The following STAT1 variants were observed in gnomAD, a reference collection of about 807,000 sequenced individuals.
STAT1 encodes the protein signal transducer and activator of transcription 1-alpha/beta.
In STAT1, 24 loss-of-function variants were observed where a neutral mutation model predicts 111.7. That is an observed-to-expected ratio of 0.21 (90% confidence interval 0.16 to 0.30). STAT1 has a LOEUF of 0.30. Among genes scored for constraint, STAT1 ranks in the 10% least tolerant of loss-of-function variants. The pLI, the probability that STAT1 is intolerant of heterozygous loss-of-function variation, is 1.00. For missense variants in STAT1, 351 were observed against 911.9 expected (o/e 0.38, Z 7.92); for synonymous variants, 332 against 326.5 (o/e 1.02, Z -0.18).
rs41514544 is a variant in STAT1, at chr2:191,000,048, G to T, written c.463-344C>A. ...CTCCACTGTGAAGCCCACAGCAGGCGGGGAAAAAGCTCACAGAAAATTTCC... is the reference window on the plus strand; with the variant it reads ...CTCCACTGTGAAGCCCACAGCAGGCTGGGAAAAAGCTCACAGAAAATTTCC... On this transcript the variant is annotated intron_variant, in intron 6 of 24. Coordinates refer to ENST00000361099, the MANE Select transcript of STAT1 (RefSeq NM_007315.4). The surrounding 1 kb of genome is among the most constrained non-coding windows in gnomAD (Gnocchi z 4.8). 6.6e-6 allele frequency among the ~76,000 whole-genome samples: 1 copy of T among 152,136 alleles called. No individual in the cohort carries two copies. The highest frequency in any genetic ancestry group is 1.9e-4 in the East Asian group (1 of 5,196).
Position 190,995,538 on chromosome 2 carries a change from G to A in STAT1, c.786-319C>T, listed in dbSNP as rs1693785611. Among the ~76,000 whole-genome samples, 1 of 152,078 alleles carries A rather than the reference G, an allele frequency of 6.6e-6. No homozygotes were observed. Among genetic ancestry groups the A allele is most frequent in the African/African-American group, 2.4e-5 (1 of 41,396 alleles). On this transcript the variant is annotated intron_variant, in intron 9 of 24. Coordinates refer to ENST00000361099, the MANE Select transcript of STAT1 (RefSeq NM_007315.4). This position sits in a 1 kb window ranked among gnomAD's most constrained non-coding sequence, Gnocchi z 4.2. ...TACTCACTACCATGAGAACAGTATTGGGGGAACCACCCCCATGATTCAATT... is the reference window on the plus strand; with the variant it reads ...TACTCACTACCATGAGAACAGTATTAGGGGAACCACCCCCATGATTCAATT...
intron 3 of STAT1, among the ~76,000 whole-genome samples, 169 bp from the exon 4 acceptor site, chr2:191,009,276 G>T (rs537851436): frequency 1.3e-5 from 2 of 152,150 alleles, no homozygotes; most frequent in East Asian, 1.9e-4. Flanking sequence ...AGTTTATGTG[G>T]TATTTCTCTT....
Position 190,984,024 on chromosome 2 carries a change from G to C in STAT1, c.1348-284C>G, listed in dbSNP as rs959280587. 3.3e-5 allele frequency among the ~76,000 whole-genome samples: 5 copies of C among 151,858 alleles called. No homozygotes were observed. Among genetic ancestry groups the C allele is most frequent in the Admixed American group, 2.0e-4 (3 of 15,224 alleles). ...CTGTCACAATGAAAACATAAAATGT[G>C]GGGGGAGGGCAGAGCAAAATAAATA... is the stretch of plus-strand genomic sequence containing the variant. On this transcript the variant is annotated intron_variant, in intron 16 of 24. Transcript: ENST00000361099. This position sits in a 1 kb window ranked among gnomAD's most constrained non-coding sequence, Gnocchi z 5.2.
rs774050725 is a variant in STAT1, at chr2:190,999,254, G to T, written c.541+372C>A. Among the ~76,000 whole-genome samples, 1 of 152,108 alleles carries T rather than the reference G, an allele frequency of 6.6e-6. No individual in the cohort carries two copies. The highest frequency in any genetic ancestry group is 2.1e-4 in the South Asian group (1 of 4,830). On this transcript the variant is annotated intron_variant, in intron 7 of 24. Coordinates refer to ENST00000361099, the MANE Select transcript of STAT1 (RefSeq NM_007315.4). The surrounding 1 kb of genome is among the most constrained non-coding windows in gnomAD (Gnocchi z 4.1). ...CTCTGTGTCAGTCAGTGGGCTAGGC[G>T]CAATAAATATGGTGAGTAACACATA...
At chr2:191,001,996 A>G (rs1694307345) in intron 5 of STAT1, among the ~76,000 whole-genome samples, 1 of 152,194 alleles carries the variant, frequency 6.6e-6, no homozygotes, top group Non-Finnish European at 1.5e-5. Flanking sequence ...AGTGCCCTAT[A>G]CAGCACAGAT....
At position 190,981,796 on chromosome 2, in the gene STAT1, T is replaced by A. The variant is rs1015957192; in HGVS notation, c.1582+587A>T. On this transcript the variant is annotated intron_variant, in intron 18 of 24. Transcript: ENST00000361099. This position sits in a 1 kb window ranked among gnomAD's most constrained non-coding sequence, Gnocchi z 4.1. ...ATCTGACCTTGAGACTAGTGGATCT[T>A]TGATTTGTTTAGTATGAAGGACTAA... is the stretch of plus-strand genomic sequence containing the variant. Among the ~76,000 whole-genome samples, 1 of 152,270 alleles carries A rather than the reference T, an allele frequency of 6.6e-6. No homozygotes were observed. The highest frequency in any genetic ancestry group is 1.5e-5 in the Non-Finnish European group (1 of 68,048).
At chr2:190,994,528 G>A (rs373412031) in intron 10 of STAT1, among the ~76,000 whole-genome samples, 308 of 152,264 alleles carry the variant, frequency 2.0e-3, no homozygotes, top group African/African-American at 7.2e-3. Context: ...AGCCAAAGGG[G>A]AAGGAGGAGT....
rs769998899 is a variant in STAT1 at position 191,001,273 on chromosome 2, C to T, written c.373-110G>A. On this transcript the variant is annotated intron_variant, in intron 5 of 24. Coordinates refer to ENST00000361099, the MANE Select transcript of STAT1 (RefSeq NM_007315.4). ...TGCCTTCCAGATCTTCTGACATGTA[C>T]TACAGGCTTCCTGCTTATGTGTCAA... The T allele has an allele frequency of 5.1e-4, 423 of 827,424 alleles. 2 individuals carry two copies. Among genetic ancestry groups the T allele is most frequent in the Non-Finnish European group, 1.1e-4 (54 of 474,398 alleles). 51.3% of individuals were successfully genotyped at this position (827,424 alleles called of 1,614,324 possible).
At chr2:191,009,771 G>T in intron 3 of STAT1, 105 bp downstream of exon 3, 2 of 1,418,446 alleles carry the variant, frequency 1.4e-6, no homozygotes, top group Non-Finnish European at 2.0e-6. Context: ...AATTCCAGTG[G>T]CCATTGATGG....
chr2:190,988,386 T>C (rs760585515), intron 12 of STAT1, among the ~76,000 whole-genome samples: 1 of 152,112 alleles, frequency 6.6e-6, no homozygotes, highest in Admixed American at 6.5e-5. Context: ...AAGTTTTTGT[T>C]TGTTTGTTTT....
In STAT1 at chr2:190,975,588, G is replaced by T; in HGVS notation, c.2135+224C>A. The T allele has an allele frequency of 7.1e-7, 1 of 1,416,780 alleles. No homozygotes were observed. The highest frequency in any genetic ancestry group is 9.2e-7 in the Non-Finnish European group (1 of 1,085,392). The allele number at this position is 1,416,780 out of a possible 1,614,324, so 87.8% of individuals were successfully genotyped here. A position where few individuals can be genotyped will look rare whatever the true frequency, so the allele number is the denominator to read the frequency against. ...CTTTTTCAAAGGGTATCAGTTTTGG[G>T]AAAATTTATATACCTTAAATACAAA... On this transcript the variant is annotated intron_variant, in intron 23 of 24. Coordinates refer to ENST00000361099, the MANE Select transcript of STAT1 (RefSeq NM_007315.4). This position sits in a 1 kb window ranked among gnomAD's most constrained non-coding sequence, Gnocchi z 5.9.
chr2:190,979,794 G>A lies in STAT1; in HGVS notation c.1705C>T (p.Leu569=), dbSNP rs1461525045. 1.9e-6 allele frequency: 3 copies of A among 1,613,576 alleles called. No homozygotes were observed. Among genetic ancestry groups the A allele is most frequent in the Non-Finnish European group, 2.5e-6 (3 of 1,179,532 alleles). Residue 569 remains leucine (L), a synonymous_variant, in exon 20 of 25, where the codon CTG becomes TTG. Transcript: ENST00000361099. This position sits in a 1 kb window ranked among gnomAD's most constrained non-coding sequence, Gnocchi z 5.8. The part of the protein sequence containing the change: ...ESILELIKKH[L]LPLWNDGCIM... ...TACCCATCATTCCAGAGAGGGAGCA[G>A]GTGTTTTTTAATGAGTTCTAGGATG...
At position 190,993,639 on chromosome 2, in the gene STAT1, G is replaced by A. The variant is rs1051247315; in HGVS notation, c.944+1422C>T. 5.4e-6 allele frequency: 3 copies of A among 553,524 alleles called. No individual in the cohort carries two copies. The highest frequency in any genetic ancestry group is 1.6e-5 in the South Asian group (1 of 62,664). 34.3% of individuals were successfully genotyped at this position (553,524 alleles called of 1,614,324 possible). A position where few individuals can be genotyped will look rare whatever the true frequency, so the allele number is the denominator to read the frequency against. On this transcript the variant is annotated intron_variant, in intron 10 of 24. Coordinates refer to ENST00000361099, the MANE Select transcript of STAT1 (RefSeq NM_007315.4). This position sits in a 1 kb window ranked among gnomAD's most constrained non-coding sequence, Gnocchi z 4.1. The stretch of plus-strand genomic sequence containing the variant: ...CTGCTGCCCTGACTCTCTGCACCAC[G>A]GGTAACTGAAGGAAAGGAATGAGAT...
Position 190,983,780 on chromosome 2 carries a change from G to A in STAT1, c.1348-40C>T, listed in dbSNP as rs1289830065. On this transcript the variant is annotated intron_variant, in intron 16 of 24. Transcript: ENST00000361099. The surrounding 1 kb of genome is among the most constrained non-coding windows in gnomAD (Gnocchi z 5.7). ...AGACCTTGAAATCATCTGAATCACA[G>A]AAATGTCACCTTCAGATAACTGCTT... is the stretch of plus-strand genomic sequence containing the variant. The A allele has an allele frequency of 6.5e-7, 1 of 1,549,192 alleles. No individual in the cohort carries two copies. The highest frequency in any genetic ancestry group is 1.4e-5 in the African/African-American group (1 of 73,712).
In STAT1 at chr2:190,982,603, GTTCAA is replaced by G; in HGVS notation, c.1447-90_1447-86del. ...CACTAAAACATATGTCCATCCCAAA[GTTCAA>G]TTCTAGTTTATATGACACACAGGTG... On this transcript the variant is annotated intron_variant, in intron 17 of 24. Coordinates refer to ENST00000361099, the MANE Select transcript of STAT1 (RefSeq NM_007315.4). This position sits in a 1 kb window ranked among gnomAD's most constrained non-coding sequence, Gnocchi z 7.3. 6.8e-7 allele frequency: 1 copy of G among 1,478,112 alleles called. No homozygotes were observed. Among genetic ancestry groups the G allele is most frequent in the Non-Finnish European group, 9.5e-7 (1 of 1,057,722 alleles). 91.6% of individuals were successfully genotyped at this position (1,478,112 alleles called of 1,614,324 possible). A position where few individuals can be genotyped will look rare whatever the true frequency, so the allele number is the denominator to read the frequency against.
intron 10 of STAT1, among the ~76,000 whole-genome samples, chr2:190,991,549 T>TA (rs1391135542): frequency 6.6e-6 from 1 of 152,186 alleles, no homozygotes; most frequent in Non-Finnish European, 1.5e-5. Flanking sequence ...TCTGTGAAAC[T>TA]ATTACATTGA....
At chr2:190,988,159 C>T (rs1000998282) in intron 12 of STAT1, among the ~76,000 whole-genome samples, 1 of 152,214 alleles carries the variant, frequency 6.6e-6, no homozygotes, top group African/African-American at 2.4e-5. Context: ...AAGGCTAGCA[C>T]TCACAGGCCT....
Position 191,014,115 on chromosome 2 carries a change from C to G in STAT1, c.-253G>C, listed in dbSNP as rs528057545. ...TCTGCTCGGTCTGGGGTCTGCCAGG[C>G]GCGATCCCCCCGGTGCAGCCGAGCC... On this transcript the variant is annotated 5_prime_UTR_variant, in exon 1 of 25. Coordinates refer to ENST00000361099, the MANE Select transcript of STAT1 (RefSeq NM_007315.4). 6.4e-6 allele frequency: 1 copy of G among 157,096 alleles called. No individual in the cohort carries two copies. The highest frequency in any genetic ancestry group is 2.4e-5 in the African/African-American group (1 of 41,804). The allele number at this position is 157,096 out of a possible 1,614,324, so 9.7% of individuals were successfully genotyped here.
intron 5 of STAT1, among the ~76,000 whole-genome samples, chr2:191,001,439 G>A (rs145567139): frequency 6.6e-6 from 1 of 152,254 alleles, no homozygotes; most frequent in East Asian, 1.9e-4. Context: ...GTACCACGCT[G>A]GAATTTAGTT....
Sources: gnomAD v4.1 joint callset for allele counts (sites outside exome capture counted in the v4.1 genomes callset) on GRCh38, gnomAD v4.1.1 for gene constraint, Gnocchi (gnomAD v3.1) non-coding constraint, MANE v1.5 for transcripts, NCBI Gene and HGNC (gene_info 2026-07-23, HGNC 2026-07-21) for gene names.